Variants in TSKS observed in about 807,000 individuals in gnomAD.
The protein encoded by TSKS is testis-specific serine kinase substrate.
A neutral mutation model predicts 68.0 loss-of-function variants in TSKS; 27 were observed. The ratio of observed to expected loss-of-function variants is 0.40; its 90% CI spans 0.29 to 0.55. TSKS has a LOEUF of 0.55. Ranked by LOEUF, TSKS falls within the 20% of genes least tolerant of loss-of-function variation. The pLI, the probability that TSKS is intolerant of heterozygous loss-of-function variation, is 0.53. For synonymous variants in TSKS, 331 were observed against 340.4 expected, an observed-to-expected ratio of 0.97 and a Z score of 0.30; for missense variants, 806 against 776.0, an observed-to-expected ratio of 1.04 and a Z score of -0.46.
chr19:49,754,324 C>A (rs1317780517), intron 2 of TSKS, among the ~76,000 whole-genome samples: 1 of 151,462 alleles, frequency 6.6e-6, no homozygotes, highest in Non-Finnish European at 1.5e-5. Flanking sequence ...CATGGTTAAA[C>A]CCCGTCTCTG....
At chr19:49,744,088 G>A in intron 8 of TSKS, 143 bp downstream of exon 8, 1 of 792,272 alleles carries the variant, frequency 1.3e-6, no homozygotes, top group Non-Finnish European at 2.0e-6. Flanking sequence ...AGTGCAGCAG[G>A]ACCGGCTGTT....
At chr19:49,760,817 G>A (rs2084433988) in intron 2 of TSKS, among the ~76,000 whole-genome samples, 1 of 151,858 alleles carries the variant, frequency 6.6e-6, no homozygotes, top group African/African-American at 2.4e-5. Flanking sequence ...AGCTGGGCGT[G>A]GTGGCTCACG....
In TSKS at chr19:49,763,142, G is replaced by T. The variant is rs767034113; in HGVS notation, c.106C>A (p.Pro36Thr). ...TTGGCCCGGCTGGTCACCCTCCGGG[G>T]AGCCTCTGGGACTAGCTGGGAGCAG... ...ESCSQLVPEA[P>T]RRVTSRAKGI... Residue 36 changes from proline to threonine, a missense_variant, in exon 1 of 11, where the codon CCC becomes ACC. Physicochemically the swap from Pro to Thr is conservative, Grantham distance 38 (BLOSUM62 -1). Transcript: ENST00000246801. This position sits in a 1 kb window ranked among gnomAD's most constrained non-coding sequence, Gnocchi z 4.5. The T allele has an allele frequency of 3.1e-6, 5 of 1,611,340 alleles. No homozygotes were observed. The highest frequency in any genetic ancestry group is 4.2e-6 in the Non-Finnish European group (5 of 1,178,716).
chr19:49,759,902 C>CT (rs995271363), intron 2 of TSKS, among the ~76,000 whole-genome samples: 33 of 151,824 alleles, frequency 2.2e-4, no homozygotes, highest in Admixed American at 1.0e-3. Context: ...GCCCGTAATC[C>CT]TAGCACTTTG....
intron 1 of TSKS, among the ~76,000 whole-genome samples, chr19:49,762,574 A>G (rs960397121): frequency 1.3e-5 from 2 of 151,848 alleles, no homozygotes; most frequent in Non-Finnish European, 2.9e-5. Context: ...GGTTATAGGC[A>G]TGTGCCATCA....
rs1306842171 is a variant in TSKS at position 49,743,080 on chromosome 19, TAA to T, written c.1362-1062_1362-1061del. Among the ~76,000 whole-genome samples the T allele has an allele frequency of 5.9e-5, 9 of 151,452 alleles. No individual in the cohort carries two copies. The East Asian group carries it at 1.7e-3, about 29-fold the overall frequency. On this transcript the variant is annotated intron_variant, in intron 8 of 10. Transcript: ENST00000246801. ...TGGAAATATGATGCTTAAAATGTAC[TAA>T]GTGTTTTTTTTTTTTTGAGATGGAG... is the stretch of plus-strand genomic sequence containing the variant.
At chr19:49,748,334 T>C in intron 3 of TSKS, 40 bp downstream of exon 3, 1 of 1,603,806 alleles carries the variant, frequency 6.2e-7, no homozygotes, top group Non-Finnish European at 8.5e-7. Context: ...AACTTGGCCC[T>C]GGAGGAAGGG....
rs745342888 is a variant in TSKS at position 49,742,012 on chromosome 19, G to A, written c.1370C>T (p.Ser457Leu). The change falls in exon 9 of 11, where the codon TCG (serine) becomes TTG (leucine). Residue 457 changes from serine to leucine, a missense_variant. By Grantham distance (145) the Ser-to-Leu change is moderately radical. Transcript: ENST00000246801. Reference protein sequence around the residue: ...GNCARCASQGSQLSTESLQQL... With the variant: ...GNCARCASQGLQLSTESLQQL... ...CTGCAGGGACTCCGTAGACAACTGC[G>A]ACCCCTGGCTGGGGGAGGGGCGGTC... The A allele has an allele frequency of 1.5e-5, 25 of 1,613,820 alleles. No individual in the cohort carries two copies. In the Middle Eastern group the frequency reaches 4.9e-4, roughly 32 times the overall value.
chr19:49,745,487 T>C, intron 6 of TSKS, 91 bp from the exon 7 acceptor site: 1 of 1,138,516 alleles, frequency 8.8e-7, no homozygotes, highest in Non-Finnish European at 1.2e-6. Flanking sequence ...GACTCACCTA[T>C]CTCGCCCCAC....
At chr19:49,740,430 G>A in intron 9 of TSKS, 1 of 507,912 alleles carries the variant, frequency 2.0e-6, no homozygotes, top group South Asian at 2.8e-5. Context: ...CTATGTCCCA[G>A]CAAGCACTAA....
Position 49,762,141 on chromosome 19 carries a change from C to A in TSKS, c.262G>T (p.Ala88Ser), listed in dbSNP as rs2084447345. The A allele has an allele frequency of 6.2e-7, 1 of 1,614,108 alleles. No individual in the cohort carries two copies. ...GTGGAGTCAGTGGGCTCCATGGCGG[C>A]CAGGTTGAGCAGTGACACGTTGGTG... ...ACTNVSLLNL[A>S]AMEPTDSTGT... The change falls in exon 2 of 11, where the codon GCC becomes TCC. Residue 88 changes from alanine (A) to serine (S), a missense_variant. Ala to Ser is a moderately conservative substitution (Grantham distance 99, BLOSUM62 1). Coordinates refer to ENST00000246801, the MANE Select transcript of TSKS (RefSeq NM_021733.2).
Position 49,745,266 on chromosome 19 carries a change from C to A in TSKS, c.1123G>T (p.Glu375Ter). The A allele has an allele frequency of 6.2e-7, 1 of 1,607,996 alleles. No homozygotes were observed. Residue 375 changes from glutamate to a stop codon, truncating the protein, a stop_gained, in exon 7 of 11, where the codon GAA becomes TAA. Transcript: ENST00000246801. LOFTEE classifies it high-confidence loss of function. The part of the protein sequence containing the change: ...FLGQWERAQR[E>*]QAQTARDLQE... ...AAGTCCCGCGCCGTCTGTGCCTGTT[C>A]GCGCTGTGCCCGCTCCCACTGGCCT... is the stretch of plus-strand genomic sequence containing the variant.
chr19:49,745,373 G>T lies in TSKS; in HGVS notation c.1016C>A (p.Ala339Asp). ...ELRREVSSLT[A>D]RWHQEEGAVQ... ...CGCCCCCTCCTCCTGATGCCACCGG[G>T]CGGTCAGTGAGGACACCTCTCTCCT... Residue 339 changes from alanine (A) to aspartate (D), a missense_variant, in exon 7 of 11, where the codon GCC (alanine) becomes GAC (aspartate). Coordinates refer to ENST00000246801, the MANE Select transcript of TSKS (RefSeq NM_021733.2). The T allele has an allele frequency of 1.9e-6, 3 of 1,579,078 alleles. No homozygotes were observed. The highest frequency in any genetic ancestry group is 2.6e-6 in the Non-Finnish European group (3 of 1,166,818).
intron 2 of TSKS, among the ~76,000 whole-genome samples, chr19:49,758,189 C>G (rs1185548887): frequency 6.6e-6 from 1 of 151,900 alleles, no homozygotes; most frequent in Middle Eastern, 3.4e-3. Context: ...CCCTCTCTCT[C>G]TCTGGGTCTC....
intron 2 of TSKS, among the ~76,000 whole-genome samples, chr19:49,749,638 T>TG (rs1438648493): frequency 4.0e-5 from 6 of 150,426 alleles, no homozygotes; most frequent in East Asian, 1.9e-4. Flanking sequence ...GGTGTGTGTG[T>TG]GTGGGGGGTC....
chr19:49,749,539 G>C (rs935415911), intron 2 of TSKS, among the ~76,000 whole-genome samples: 1 of 152,060 alleles, frequency 6.6e-6, no homozygotes, highest in Admixed American at 6.6e-5. Context: ...CATTTCCCAG[G>C]TTTCCTTGCA....
rs926461263 is a variant in TSKS, at chr19:49,746,669, C to T, written c.793G>A (p.Glu265Lys). Residue 265 changes from glutamate (E) to lysine (K), a missense_variant, in exon 6 of 11, where the codon GAG becomes AAG. By Grantham distance (56) the Glu-to-Lys change is moderately conservative. Transcript: ENST00000246801. The stretch of plus-strand genomic sequence containing the variant: ...AGGCTGTTCCAGGAGAGGCCAGCCT[C>T]CGGCTTCTGCTTCTCCTCCGGCTCC... Reference protein sequence around the residue: ...KQEPEEKQKPEAGLSWNSLGP... With the variant: ...KQEPEEKQKPKAGLSWNSLGP... 2 of 1,605,260 alleles carry T rather than the reference C, an allele frequency of 1.2e-6. No individual in the cohort carries two copies. Among genetic ancestry groups the T allele is most frequent in the African/African-American group, 1.3e-5 (1 of 74,544 alleles).
chr19:49,743,643 A>G (rs1600187374), intron 8 of TSKS, among the ~76,000 whole-genome samples: 2 of 151,034 alleles, frequency 1.3e-5, no homozygotes, highest in Non-Finnish European at 3.0e-5. Flanking sequence ...GACTACAGGC[A>G]CCCGCCACCA....
rs1230267496 is a variant in TSKS, at chr19:49,744,974, C to CT, written c.1187+227dup. 2.6e-5 allele frequency among the ~76,000 whole-genome samples: 4 copies of CT among 152,274 alleles called. No homozygotes were observed. The East Asian group carries it at 7.7e-4, about 29-fold the overall frequency. On this transcript the variant is annotated intron_variant, in intron 7 of 10. Transcript: ENST00000246801. ...ATCCCACTTGACCCCACCCTTTGCCCTTTTAAGGTATAGACCACACCCCTT... is the reference window on the plus strand; with the variant it reads ...ATCCCACTTGACCCCACCCTTTGCCCTTTTTAAGGTATAGACCACACCCCTT...
Sources: gnomAD v4.1 joint callset for allele counts (sites outside exome capture counted in the v4.1 genomes callset) on GRCh38, gnomAD v4.1.1 for gene constraint, Gnocchi (gnomAD v3.1) non-coding constraint, MANE v1.5 for transcripts, NCBI Gene and HGNC (gene_info 2026-07-23, HGNC 2026-07-21) for gene names.